WWOX: variants seen among roughly 807,000 people sequenced by gnomAD.
WWOX encodes the protein WW domain-containing oxidoreductase.
A neutral mutation model predicts 46.2 loss-of-function variants in WWOX; 69 were observed. The observed-to-expected ratio is 1.49, with a 90% CI of 1.23 to 1.82. The LOEUF is 1.82. Ranked by LOEUF, WWOX falls within the 40% of genes most tolerant of loss-of-function variation. The pLI is 0.00. For missense variants in WWOX, 919 were observed against 542.6 expected, an observed-to-expected ratio of 1.69 and a Z score of -6.89; for synonymous variants, 359 against 202.6, an observed-to-expected ratio of 1.77 and a Z score of -6.56.
intron 8 of WWOX, among the ~76,000 whole-genome samples, chr16:78,950,533 T>TACACAC (rs141591649): frequency 0.026 from 3,813 of 147,008 alleles, 57 homozygotes; most frequent in African/African-American, 0.031. Context: ...CACACACACA[T>TACACAC]ACACACACAC....
At chr16:78,788,950 A>G (rs190354932) in intron 8 of WWOX, among the ~76,000 whole-genome samples, 5 of 152,260 alleles carry the variant, frequency 3.3e-5, no homozygotes, top group Non-Finnish European at 7.4e-5. Context: ...AGTTGTTTAT[A>G]TATTTTGGAA....
intron 8 of WWOX, among the ~76,000 whole-genome samples, chr16:79,006,366 C>G (rs1415657179): frequency 6.6e-6 from 1 of 152,096 alleles, no homozygotes; most frequent in Non-Finnish European, 1.5e-5. Flanking sequence ...TGCATGGCAC[C>G]GGCAGAGGAT....
chr16:78,464,703 T>C (rs2084032277), intron 8 of WWOX, among the ~76,000 whole-genome samples: 1 of 152,144 alleles, frequency 6.6e-6, no homozygotes, highest in Admixed American at 6.6e-5. Flanking sequence ...CGTGCAGCAA[T>C]TCTTCCTGGG....
chr16:78,877,123 A>G (rs541988396), intron 8 of WWOX, among the ~76,000 whole-genome samples: 2 of 152,306 alleles, frequency 1.3e-5, no homozygotes, highest in South Asian at 4.1e-4. Context: ...TTGTATTTTG[A>G]CAATTCCTTC....
intron 8 of WWOX, among the ~76,000 whole-genome samples, chr16:78,635,861 C>T (rs1216446543): frequency 6.6e-6 from 1 of 152,042 alleles, no homozygotes; most frequent in Non-Finnish European, 1.5e-5. Flanking sequence ...CATTGGTGGC[C>T]ATTGGAGGGG....
chr16:78,284,747 TA>T (rs2079739175), intron 5 of WWOX, among the ~76,000 whole-genome samples: 1 of 152,200 alleles, frequency 6.6e-6, no homozygotes, highest in Admixed American at 6.5e-5. Context: ...GGTAGAAGTT[TA>T]AATGCAATAG....
intron 8 of WWOX, among the ~76,000 whole-genome samples, chr16:78,773,096 C>T (rs2050104405): frequency 6.6e-6 from 1 of 152,200 alleles, no homozygotes; most frequent in African/African-American, 2.4e-5. Context: ...GTAACTTGCT[C>T]AGTGGCTAGT....
chr16:78,600,165 C>T (rs1241208559), intron 8 of WWOX, among the ~76,000 whole-genome samples: 1 of 152,086 alleles, frequency 6.6e-6, no homozygotes, highest in Non-Finnish European at 1.5e-5. Context: ...ACGAGTAAAG[C>T]ACAGGAAAGA....
At chr16:78,634,578 C>A (rs979470337) in intron 8 of WWOX, among the ~76,000 whole-genome samples, 1 of 151,762 alleles carries the variant, frequency 6.6e-6, no homozygotes, top group African/African-American at 2.4e-5. Flanking sequence ...TGGTGGCGGG[C>A]GCCTGTAATC....
chr16:78,153,079 T>A (rs902513243), intron 4 of WWOX, among the ~76,000 whole-genome samples: 18 of 152,202 alleles, frequency 1.2e-4, no homozygotes, highest in Non-Finnish European at 2.1e-4. Flanking sequence ...ATTTGGCAGC[T>A]GTGGATCGTG....
intron 8 of WWOX, among the ~76,000 whole-genome samples, chr16:78,623,414 T>G (rs2046235416): frequency 6.6e-6 from 1 of 152,112 alleles, no homozygotes; most frequent in South Asian, 2.1e-4. Flanking sequence ...ACACGGTGGC[T>G]CATGCCTGTC....
At chr16:78,720,746 C>T (rs549210564) in intron 8 of WWOX, among the ~76,000 whole-genome samples, 2 of 152,092 alleles carry the variant, frequency 1.3e-5, no homozygotes, top group African/African-American at 2.4e-5. Context: ...CTGCTTGTCT[C>T]TTCTAGAATT....
intron 8 of WWOX, among the ~76,000 whole-genome samples, chr16:78,438,507 C>T (rs1282224383): frequency 2.0e-5 from 3 of 151,820 alleles, no homozygotes; most frequent in Admixed American, 1.3e-4. Context: ...ACATCCTTGC[C>T]AGAGTTCCCA....
At chr16:79,141,137 A>G (rs112200742) in intron 8 of WWOX, among the ~76,000 whole-genome samples, 4,513 of 152,266 alleles carry the variant, frequency 0.03, 78 homozygotes, top group South Asian at 0.039. Flanking sequence ...TGAGATAAAT[A>G]CATATCGGAT....
At chr16:78,758,239 T>A (rs370207267) in intron 8 of WWOX, among the ~76,000 whole-genome samples, 8 of 152,316 alleles carry the variant, frequency 5.3e-5, no homozygotes, top group African/African-American at 1.9e-4. Context: ...AGAACTATAG[T>A]AATTCCATGT....
intron 8 of WWOX, among the ~76,000 whole-genome samples, chr16:78,433,939 A>G (rs112157078): frequency 0.23 from 35,245 of 150,474 alleles, 5,679 homozygotes; most frequent in African/African-American, 0.44. Flanking sequence ...ACAGGCGCCC[A>G]CCACTATGCC....
chr16:78,332,838 C>T (rs2080792881), intron 5 of WWOX, among the ~76,000 whole-genome samples: 1 of 152,026 alleles, frequency 6.6e-6, no homozygotes, highest in Non-Finnish European at 1.5e-5. Context: ...GAGGCTGAGG[C>T]TCAGAAATTT....
rs949458255 is a variant in WWOX at position 78,152,095 on chromosome 16, C to T, written c.410-12088C>T. On this transcript the variant is annotated intron_variant, in intron 4 of 8. Transcript: ENST00000566780. ...GTCCCAGCTACTCGGGAGGCTGAGG[C>T]AGGAGAGTGGCGTGAACCCGGGAGG... Among the ~76,000 whole-genome samples the T allele has an allele frequency of 2.2e-4, 33 of 151,902 alleles. No homozygotes were observed. The East Asian group carries it at 6.0e-3, about 28-fold the overall frequency.
chr16:78,550,962 T>C (rs1379442028), intron 8 of WWOX: 1 of 152,192 alleles, frequency 6.6e-6, no homozygotes, highest in Non-Finnish European at 1.5e-5. Context: ...ACACTGTCTT[T>C]TGAAGAAAGA....
Sources: allele counts gnomAD v4.1 joint callset (sites outside exome capture counted in the v4.1 genomes callset), GRCh38; gene constraint gnomAD v4.1.1; transcripts MANE v1.5; gene names NCBI Gene and HGNC (gene_info 2026-07-23, HGNC 2026-07-21).